SGCD: variants seen among roughly 807,000 people sequenced by gnomAD.
SGCD encodes delta-sarcoglycan.
SGCD carries 18 observed loss-of-function variants against 36.6 expected under a neutral mutation model. The ratio of observed to expected loss-of-function variants is 0.49; its 90% CI spans 0.34 to 0.73. The LOEUF (loss-of-function observed/expected upper bound fraction) is 0.73, where lower values mean the gene tolerates loss of function less well. Ranked by LOEUF, SGCD falls within the 30% of genes least tolerant of loss-of-function variation. The pLI, the probability that SGCD is intolerant of heterozygous loss-of-function variation, is 0.01. For missense variants in SGCD, 387 were observed against 346.7 expected, an observed-to-expected ratio of 1.12 and a Z score of -0.92; for synonymous variants, 133 against 130.6, an observed-to-expected ratio of 1.02 and a Z score of -0.12.
chr5:155,993,155 T>C (rs187675373), intron 1 of SGCD, among the ~76,000 whole-genome samples: 1 of 152,196 alleles, frequency 6.6e-6, no homozygotes, highest in East Asian at 1.9e-4. Context: ...TTGCTCCCAT[T>C]TTCCCTTCAG....
At chr5:156,471,706 C>T (rs140653269) in intron 3 of SGCD, among the ~76,000 whole-genome samples, 1,738 of 151,966 alleles carry the variant, frequency 0.011, 101 homozygotes, top group Admixed American at 0.1. Flanking sequence ...TAGAAGAAAA[C>T]ATAAAGAGAT....
chr5:156,229,273 CATACATATATAT>C (rs1764939793), intron 3 of SGCD, among the ~76,000 whole-genome samples: 6 of 8,578 alleles, frequency 7.0e-4, no homozygotes, highest in African/African-American at 1.5e-3. Flanking sequence ...TATATATATA[CATACATATATAT>C]ATATATATAT....
intron 3 of SGCD, among the ~76,000 whole-genome samples, chr5:156,310,575 C>T (rs1471769132): frequency 6.6e-6 from 1 of 152,138 alleles, no homozygotes; most frequent in Non-Finnish European, 1.5e-5. Context: ...AATAGCAAGC[C>T]TTTAGTAGAC....
At chr5:155,990,365 AAC>A (rs1455420940) in intron 1 of SGCD, among the ~76,000 whole-genome samples, 2 of 152,188 alleles carry the variant, frequency 1.3e-5, no homozygotes, top group Non-Finnish European at 2.9e-5. Flanking sequence ...TTTTTAAGAT[AAC>A]AGTGCTTTTA....
the SGCD span, among the ~76,000 whole-genome samples, chr5:155,832,528 T>C: frequency 6.6e-6 from 1 of 152,170 alleles, no homozygotes; most frequent in East Asian, 1.9e-4. Flanking sequence ...CATTGCTGCC[T>C]CTCTGTATAC....
At chr5:156,750,251 TACTTA>T (rs1757102031) in intron 7 of SGCD, among the ~76,000 whole-genome samples, 1 of 152,086 alleles carries the variant, frequency 6.6e-6, no homozygotes, top group Non-Finnish European at 1.5e-5. Context: ...ATAAAAAACA[TACTTA>T]ATGGTAAATT....
the SGCD span, among the ~76,000 whole-genome samples, chr5:155,835,946 A>G: frequency 1.3e-5 from 2 of 152,040 alleles, no homozygotes; most frequent in African/African-American, 2.4e-5. Context: ...TAGCCTACCC[A>G]CCCTTTACTG....
intron 1 of SGCD, among the ~76,000 whole-genome samples, chr5:156,072,231 G>A (rs1760596189): frequency 2.0e-5 from 3 of 152,050 alleles, no homozygotes; most frequent in African/African-American, 7.3e-5. Flanking sequence ...AGCCTCGATG[G>A]TCTTTACAAT....
At chr5:156,343,326 C>A (rs775982862) in intron 2 of SGCD, among the ~76,000 whole-genome samples, 1 of 152,106 alleles carries the variant, frequency 6.6e-6, no homozygotes, top group Non-Finnish European at 1.5e-5. Context: ...AAAATAAGGG[C>A]TGTACCATTA....
At chr5:156,082,637 T>C (rs1247531244) in intron 1 of SGCD, among the ~76,000 whole-genome samples, 2 of 152,230 alleles carry the variant, frequency 1.3e-5, no homozygotes, top group East Asian at 3.9e-4. Flanking sequence ...TTGAATGACA[T>C]CTGGCCTGAT....
intron 3 of SGCD, among the ~76,000 whole-genome samples, chr5:156,470,438 A>T (rs1270111568): frequency 5.3e-5 from 8 of 151,992 alleles, no homozygotes; most frequent in Non-Finnish European, 1.2e-4. Flanking sequence ...GGTGTGCTGC[A>T]CCCACTAACT....
chr5:156,082,342 T>C (rs951834572), intron 1 of SGCD, among the ~76,000 whole-genome samples: 2 of 152,008 alleles, frequency 1.3e-5, no homozygotes, highest in South Asian at 4.1e-4. Flanking sequence ...GTTCTGTATG[T>C]CAAAGTGCCA....
chr5:155,847,153 G>T, the SGCD span, among the ~76,000 whole-genome samples: 3 of 152,178 alleles, frequency 2.0e-5, no homozygotes, highest in African/African-American at 7.2e-5. Flanking sequence ...ATGGGTACAT[G>T]TGCATGTGTG....
At chr5:156,027,944 A>T (rs898717544) in intron 1 of SGCD, among the ~76,000 whole-genome samples, 4 of 152,182 alleles carry the variant, frequency 2.6e-5, no homozygotes, top group Non-Finnish European at 4.4e-5. Context: ...CTGTATACTC[A>T]TATGGCAGAA....
chr5:156,586,460 C>T (rs77456872), intron 4 of SGCD, among the ~76,000 whole-genome samples: 3,250 of 152,254 alleles, frequency 0.021, 36 homozygotes, highest in Non-Finnish European at 0.03. Context: ...CCTTTCTATA[C>T]GGTGCTCTTT....
At chr5:156,317,412 C>T (rs1330527249) in intron 3 of SGCD, among the ~76,000 whole-genome samples, 1 of 152,034 alleles carries the variant, frequency 6.6e-6, no homozygotes, top group Non-Finnish European at 1.5e-5. Context: ...GACAATAATC[C>T]AGACTGCCAA....
chr5:155,794,352 T>C, the SGCD span, among the ~76,000 whole-genome samples: 5 of 152,122 alleles, frequency 3.3e-5, no homozygotes, highest in African/African-American at 1.2e-4. Flanking sequence ...GTCAATAGAA[T>C]ATAATATATT....
chr5:156,619,109 T>A (rs1170065743), intron 6 of SGCD, among the ~76,000 whole-genome samples: 1 of 151,048 alleles, frequency 6.6e-6, no homozygotes, highest in African/African-American at 2.4e-5. Context: ...CACTGCAAGC[T>A]CCGCCTCCCA....
At chr5:156,055,401 T>C (rs1353960731) in intron 1 of SGCD, among the ~76,000 whole-genome samples, 1 of 146,094 alleles carries the variant, frequency 6.8e-6, no homozygotes, top group African/African-American at 2.5e-5. Flanking sequence ...AGTCCCCAGA[T>C]GATTATTCTG....
Sources: allele counts gnomAD v4.1 joint callset (sites outside exome capture counted in the v4.1 genomes callset), GRCh38; gene constraint gnomAD v4.1.1; transcripts MANE v1.5; gene names NCBI Gene and HGNC (gene_info 2026-07-23, HGNC 2026-07-21).